NOTCH1: variants seen among roughly 807,000 people sequenced by gnomAD.
NOTCH1 encodes neurogenic locus notch homolog protein 1.
In NOTCH1, 37 loss-of-function variants were observed where a neutral mutation model predicts 254.8. That is an observed-to-expected ratio of 0.15 (90% CI 0.11 to 0.19). The LOEUF (loss-of-function observed/expected upper bound fraction) is 0.19, where lower values mean the gene tolerates loss of function less well. Ranked by LOEUF, NOTCH1 falls within the 10% of genes least tolerant of loss-of-function variation. The pLI is 1.00. For synonymous variants in NOTCH1, 1,731 were observed against 1,618.1 expected, an observed-to-expected ratio of 1.07 and a Z score of -1.68; for missense variants, 2,972 against 3,708.6, an observed-to-expected ratio of 0.80 and a Z score of 5.16.
chr9:136,525,506 C>A lies in NOTCH1; in HGVS notation c.141-1527G>T, dbSNP rs565844696. Among the ~76,000 whole-genome samples, 8 of 152,348 alleles carry A rather than the reference C, an allele frequency of 5.3e-5. No homozygotes were observed. The South Asian group carries it at 1.7e-3, about 32-fold the overall frequency. On this transcript the variant is annotated intron_variant, in intron 2 of 33. Coordinates refer to ENST00000651671, the MANE Select transcript of NOTCH1 (RefSeq NM_017617.5). ...GCGGCCCGGGAAGGCAGCAGCCTCACGGCTCAGGCCCTGGGTGGGCATGGC... is the reference window on the plus strand; with the variant it reads ...GCGGCCCGGGAAGGCAGCAGCCTCAAGGCTCAGGCCCTGGGTGGGCATGGC...
At chr9:136,537,169 AGCCACCCCGGAC>A (rs1400749565) in intron 2 of NOTCH1, among the ~76,000 whole-genome samples, 1 of 152,166 alleles carries the variant, frequency 6.6e-6, no homozygotes, top group Non-Finnish European at 1.5e-5. Context: ...TCTTCCAGGA[AGCCACCCCGGAC>A]GCCCTCCCAA....
Position 136,515,601 on chromosome 9 carries a change from G to T in NOTCH1, c.1785C>A (p.Tyr595Ter). The T allele has an allele frequency of 6.2e-7, 1 of 1,609,906 alleles. No homozygotes were observed. The change falls in exon 11 of 34, where the codon TAC becomes TAA. Residue 595 changes from tyrosine to a stop codon, truncating the protein, a stop_gained. Coordinates refer to ENST00000651671, the MANE Select transcript of NOTCH1 (RefSeq NM_017617.5). LOFTEE classifies it high-confidence loss of function. ...ATFTCLCRPG[Y>*]TGHHCETNIN... Reference sequence around the variant, plus strand: ...TGTTGGTCTCGCAGTGGTGGCCCGTGTAGCCTGGGCGGCAGAGGCAGGTGA... The same window carrying T: ...TGTTGGTCTCGCAGTGGTGGCCCGTTTAGCCTGGGCGGCAGAGGCAGGTGA...
Position 136,519,292 on chromosome 9 carries a change from C to T in NOTCH1, c.865+151G>A, listed in dbSNP as rs1408453357. Reference sequence around the variant, plus strand: ...CAGACCCTGGCCACGGGAAGTGGGGCCCCCATCATGTTGTCCTTCTCGGCC... The same window carrying T: ...CAGACCCTGGCCACGGGAAGTGGGGTCCCCATCATGTTGTCCTTCTCGGCC... On this transcript the variant is annotated intron_variant, in intron 5 of 33. Transcript: ENST00000651671. The T allele has an allele frequency of 1.1e-5, 12 of 1,122,646 alleles. No individual in the cohort carries two copies. In the South Asian group the frequency reaches 1.4e-4, roughly 13 times the overall value. 69.5% of individuals were successfully genotyped at this position (1,122,646 alleles called of 1,614,324 possible).
At chr9:136,526,057 G>A (rs1400436293) in intron 2 of NOTCH1, among the ~76,000 whole-genome samples, 3 of 152,262 alleles carry the variant, frequency 2.0e-5, no homozygotes, top group African/African-American at 7.2e-5. Flanking sequence ...GCACAGCCCC[G>A]GAATGAGGCT....
chr9:136,522,515 C>CGTATCATTAAAAA, intron 4 of NOTCH1: 2 of 341,630 alleles, frequency 5.9e-6, no homozygotes, highest in Admixed American at 4.6e-5. Flanking sequence ...TCTCCGGCCC[C>CGTATCATTAAAAA]AGCCCCACTG....
chr9:136,503,026 G>A (rs1365028070), intron 27 of NOTCH1, 156 bp downstream of exon 27: 1 of 1,087,832 alleles, frequency 9.2e-7, no homozygotes, highest in East Asian at 2.5e-5. Context: ...GGGGCGGAGT[G>A]CCATTCAGAA....
Position 136,497,568 on chromosome 9 carries a change from G to A in NOTCH1, c.6181-10C>T. The A allele has an allele frequency of 1.9e-6, 3 of 1,581,174 alleles. No homozygotes were observed. Among genetic ancestry groups the A allele is most frequent in the Non-Finnish European group, 2.6e-6 (3 of 1,164,958 alleles). On this transcript the variant is annotated splice_polypyrimidine_tract_variant and intron_variant, in intron 33 of 33. Coordinates refer to ENST00000651671, the MANE Select transcript of NOTCH1 (RefSeq NM_017617.5). ...ACAGGGGTGTCTCCTCCTGGGGGAT[G>A]AGGGCGGGGGCCGGTGAGGGGGGCC...
Position 136,497,187 on chromosome 9 carries a change from C to A in NOTCH1, c.6552G>T (p.Gln2184His). Residue 2184 changes from glutamine (Q) to histidine (H), a missense_variant, in exon 34 of 34, where the codon CAG becomes CAT. Around this residue, in one of 8 missense-constraint regions of NOTCH1, gnomAD observed 529 missense variants for 529.2 expected, o/e 1.00. Transcript: ENST00000651671. ...KDLKARRKKS[Q>H]DGKGCLLDSS... ...TGTCCAGCAGGCAGCCCTTGCCGTCCTGGGACTTCTTCCTCCGTGCCTTGA... is the reference window on the plus strand; with the variant it reads ...TGTCCAGCAGGCAGCCCTTGCCGTCATGGGACTTCTTCCTCCGTGCCTTGA... 5.0e-6 allele frequency: 8 copies of A among 1,612,832 alleles called. No individual in the cohort carries two copies. Among genetic ancestry groups the A allele is most frequent in the Non-Finnish European group, 6.8e-6 (8 of 1,179,968 alleles).
chr9:136,543,716 T>G (rs1055011003), intron 2 of NOTCH1: 1 of 519,406 alleles, frequency 1.9e-6, no homozygotes, highest in African/African-American at 1.9e-5. Flanking sequence ...CCCTGGCAGA[T>G]CAACTGTTTC....
chr9:136,527,214 C>T (rs1843476467), intron 2 of NOTCH1, among the ~76,000 whole-genome samples: 1 of 152,218 alleles, frequency 6.6e-6, no homozygotes. Flanking sequence ...ACCCTACAGA[C>T]GGCGAACACC....
Position 136,502,076 on chromosome 9 carries a change from G to A in NOTCH1, c.5397C>T (p.Asn1799=), listed in dbSNP as rs761147379. 6.8e-6 allele frequency: 11 copies of A among 1,613,148 alleles called. No homozygotes were observed. The highest frequency in any genetic ancestry group is 5.3e-5 in the African/African-American group (4 of 74,928). ...EDSVGLKPLK[N]ASDGALMDDN... ...CGTCCATGAGGGCACCGTCTGAAGC[G>A]TTCTTCAGGGGCCTGGGGGGTGAGG... Residue 1799 remains asparagine, a synonymous_variant, in exon 29 of 34, where the codon AAC becomes AAT. Coordinates refer to ENST00000651671, the MANE Select transcript of NOTCH1 (RefSeq NM_017617.5).
Position 136,510,490 on chromosome 9 carries a change from C to A in NOTCH1, c.2740+163G>T, listed in dbSNP as rs935250922. The A allele has an allele frequency of 5.3e-6, 5 of 941,514 alleles. No homozygotes were observed. In the African/African-American group the frequency reaches 8.1e-5, roughly 15 times the overall value. 58.3% of individuals were successfully genotyped at this position (941,514 alleles called of 1,614,324 possible). ...CGGCTCTGGGGCCCTCCTGAACCAC[C>A]CTGGCCATCCCTCAGCACATCCCCC... is the stretch of plus-strand genomic sequence containing the variant. On this transcript the variant is annotated intron_variant, in intron 17 of 33. Transcript: ENST00000651671.
At chr9:136,517,653 C>G (rs1843297379) in intron 8 of NOTCH1, 99 bp downstream of exon 8, 2 of 1,459,870 alleles carry the variant, frequency 1.4e-6, no homozygotes, top group African/African-American at 1.4e-5. Flanking sequence ...GGCATGGAGG[C>G]TGGGGAAAGC....
intron 15 of NOTCH1, 95 bp from the exon 16 acceptor site, chr9:136,511,366 C>A: frequency 6.8e-7 from 1 of 1,467,202 alleles, no homozygotes; most frequent in South Asian, 1.2e-5. Flanking sequence ...ATCAGAGTGC[C>A]GTCTGCTGGT....
At position 136,495,559 on chromosome 9, in the gene NOTCH1, A is replaced by T. The variant is rs1256907768; in HGVS notation, c.*512T>A. 3 of 398,768 alleles carry T rather than the reference A, an allele frequency of 7.5e-6. No homozygotes were observed. The highest frequency in any genetic ancestry group is 1.3e-5 in the Non-Finnish European group (3 of 226,558). The allele number at this position is 398,768 out of a possible 1,614,324, so 24.7% of individuals were successfully genotyped here. ...GCCTCTGGATGCAGCTTCTCCTAAC[A>T]GGCAGGTGATGCTGGTGGAGCGGCC... On this transcript the variant is annotated 3_prime_UTR_variant, in exon 34 of 34. Coordinates refer to ENST00000651671, the MANE Select transcript of NOTCH1 (RefSeq NM_017617.5).
chr9:136,512,198 T>A (rs1843192110), intron 15 of NOTCH1, among the ~76,000 whole-genome samples: 1 of 151,714 alleles, frequency 6.6e-6, no homozygotes, highest in African/African-American at 2.4e-5. Context: ...GGAGGGAGGG[T>A]CCTCACTGAC....
intron 31 of NOTCH1, among the ~76,000 whole-genome samples, chr9:136,499,646 G>A (rs369076909): frequency 2.1e-4 from 32 of 151,542 alleles, no homozygotes; most frequent in South Asian, 1.0e-3. Flanking sequence ...TCTCAGAACC[G>A]CCGAGCTAGT....
intron 2 of NOTCH1, among the ~76,000 whole-genome samples, chr9:136,536,288 C>T (rs973020922): frequency 1.3e-5 from 2 of 152,160 alleles, no homozygotes; most frequent in African/African-American, 2.4e-5. Flanking sequence ...GGGGACATGG[C>T]GCTTCCCCGT....
At chr9:136,524,165 T>C (rs1843422295) in intron 2 of NOTCH1, among the ~76,000 whole-genome samples, 186 bp from the exon 3 acceptor site, 1 of 152,240 alleles carries the variant, frequency 6.6e-6, no homozygotes, top group Admixed American at 6.5e-5. Flanking sequence ...ATGCCGCGAT[T>C]GCACAACTTT....
Sources: gnomAD v4.1 joint callset for allele counts (sites outside exome capture counted in the v4.1 genomes callset) on GRCh38, gnomAD v4.1.1 for gene constraint, gnomAD v4.1.1 regional missense constraint, MANE v1.5 for transcripts, NCBI Gene and HGNC (gene_info 2026-07-23, HGNC 2026-07-21) for gene names.